The following AGBL1 variants were observed in gnomAD, a reference collection of about 807,000 sequenced individuals.
AGBL1 encodes the protein cytosolic carboxypeptidase 4.
In AGBL1, 130 loss-of-function variants were observed where a neutral mutation model predicts 118.9. The observed-to-expected ratio is 1.09, with a 90% CI of 0.95 to 1.26. AGBL1 has a LOEUF of 1.26. Among genes scored for constraint, AGBL1 ranks in the 50% most tolerant of loss-of-function variants. The pLI is 0.00. For missense variants in AGBL1, 1,584 were observed against 1,298.1 expected (o/e 1.22, Z -3.38); for synonymous variants, 555 against 478.9 (o/e 1.16, Z -2.08).
intron 18 of AGBL1, among the ~76,000 whole-genome samples, chr15:86,517,772 A>T (rs1333371558): frequency 6.6e-6 from 1 of 152,026 alleles, no homozygotes; most frequent in African/African-American, 2.4e-5. Flanking sequence ...TGTAGCTTTG[A>T]AATGAAGTTG....
chr15:86,669,520 A>T (rs1327676643), intron 21 of AGBL1, among the ~76,000 whole-genome samples: 2 of 152,202 alleles, frequency 1.3e-5, no homozygotes. Context: ...ATCATGGATG[A>T]CATTTTTCTA....
chr15:86,193,688 T>C (rs2077756936), intron 5 of AGBL1, among the ~76,000 whole-genome samples: 1 of 152,178 alleles, frequency 6.6e-6, no homozygotes, highest in Non-Finnish European at 1.5e-5. Context: ...CTTAATTCAG[T>C]GGAGAAGACC....
intron 22 of AGBL1, among the ~76,000 whole-genome samples, chr15:86,890,141 T>C (rs1596597210): frequency 6.6e-6 from 1 of 152,232 alleles, no homozygotes; most frequent in Non-Finnish European, 1.5e-5. Context: ...ATTTCTCTAA[T>C]GATCAGTGAT....
At chr15:86,106,105 T>C (rs1239793797) in intron 1 of AGBL1, among the ~76,000 whole-genome samples, 3 of 152,254 alleles carry the variant, frequency 2.0e-5, no homozygotes, top group Admixed American at 6.5e-5. Context: ...GTGTGTTCCA[T>C]CTGATGTGTG....
chr15:86,645,377 G>C (rs1269160605), intron 21 of AGBL1, among the ~76,000 whole-genome samples: 1 of 152,204 alleles, frequency 6.6e-6, no homozygotes, highest in Admixed American at 6.5e-5. Flanking sequence ...CAGCTTTTCT[G>C]TGGGGGCTGA....
At chr15:86,753,802 T>A (rs1339797520) in intron 22 of AGBL1, among the ~76,000 whole-genome samples, 2 of 152,134 alleles carry the variant, frequency 1.3e-5, no homozygotes, top group Non-Finnish European at 2.9e-5. Context: ...AAACTCTGAA[T>A]GTCAGAACAC....
At chr15:86,249,875 G>T (rs1196681996) in intron 7 of AGBL1, among the ~76,000 whole-genome samples, 2 of 152,230 alleles carry the variant, frequency 1.3e-5, no homozygotes, top group African/African-American at 4.8e-5. Context: ...AGCATGAGGT[G>T]CTATGAATCT....
chr15:86,691,510 A>T (rs1372540060), intron 22 of AGBL1, among the ~76,000 whole-genome samples: 1 of 152,158 alleles, frequency 6.6e-6, no homozygotes, highest in Non-Finnish European at 1.5e-5. Context: ...ATGTGTGTGT[A>T]GTTTGGCAGA....
intron 5 of AGBL1, among the ~76,000 whole-genome samples, chr15:86,197,039 A>G (rs2077824746): frequency 2.0e-5 from 3 of 152,278 alleles, no homozygotes; most frequent in African/African-American, 7.2e-5. Flanking sequence ...GTGAAAAAAC[A>G]CATTTCTGTT....
intron 21 of AGBL1, chr15:86,556,186 C>A: frequency 6.4e-7 from 1 of 1,556,086 alleles, no homozygotes. Flanking sequence ...TGAAATGACT[C>A]ATAGGTTCAG....
chr15:86,544,402 A>G (rs1337683707), intron 19 of AGBL1, among the ~76,000 whole-genome samples: 1 of 152,184 alleles, frequency 6.6e-6, no homozygotes, highest in East Asian at 1.9e-4. Context: ...GCTCAGTCTT[A>G]TTGACCAAAA....
intron 22 of AGBL1, among the ~76,000 whole-genome samples, chr15:86,676,597 T>G (rs188308880): frequency 6.6e-6 from 1 of 152,156 alleles, no homozygotes; most frequent in Non-Finnish European, 1.5e-5. Context: ...GGATTCTTAT[T>G]GTAATACAAA....
chr15:86,655,862 T>C (rs1303297260), intron 21 of AGBL1, among the ~76,000 whole-genome samples: 1 of 152,180 alleles, frequency 6.6e-6, no homozygotes, highest in African/African-American at 2.4e-5. Context: ...CGTAGTAGTT[T>C]TGCTGCTATA....
chr15:86,542,026 A>G (rs1009233834), intron 19 of AGBL1, among the ~76,000 whole-genome samples: 3 of 152,244 alleles, frequency 2.0e-5, no homozygotes, highest in Non-Finnish European at 2.9e-5. Flanking sequence ...ACATGAGTAT[A>G]CAATCTAGAG....
At chr15:86,193,008 CA>C (rs1288614076) in intron 5 of AGBL1, among the ~76,000 whole-genome samples, 1 of 151,754 alleles carries the variant, frequency 6.6e-6, no homozygotes, top group Non-Finnish European at 1.5e-5. Context: ...ATTTTTCAGT[CA>C]AAAATATTTT....
Position 86,910,094 on chromosome 15 carries a change from T to C in AGBL1, c.*2800T>C, listed in dbSNP as rs1348876446. On this transcript the variant is annotated 3_prime_UTR_variant, in exon 23 of 23. Transcript: ENST00000614907. ...TAATGCAGTATGGCCCATGCCATTA[T>C]GGAACTCTGCAAAGAATATTACAAA... 1 of 152,262 alleles carries C rather than the reference T, an allele frequency of 6.6e-6. No individual in the cohort carries two copies. The highest frequency in any genetic ancestry group is 1.5e-5 in the Non-Finnish European group (1 of 68,052). The allele number at this position is 152,262 out of a possible 1,614,324, so 9.4% of individuals were successfully genotyped here.
At chr15:86,129,970 G>GA (rs1555432987) in intron 1 of AGBL1, among the ~76,000 whole-genome samples, 1 of 152,048 alleles carries the variant, frequency 6.6e-6, no homozygotes. Flanking sequence ...AATTGAAAGG[G>GA]AAAAAATTAC....
intron 5 of AGBL1, among the ~76,000 whole-genome samples, chr15:86,213,247 A>G (rs1215004770): frequency 6.6e-6 from 1 of 152,240 alleles, no homozygotes; most frequent in Non-Finnish European, 1.5e-5. Flanking sequence ...TCCGCAAATC[A>G]TGGAACTACT....
chr15:86,737,756 T>C (rs1041580310), intron 22 of AGBL1, among the ~76,000 whole-genome samples: 10 of 152,216 alleles, frequency 6.6e-5, no homozygotes, highest in African/African-American at 2.4e-4. Flanking sequence ...CCCCTTTTAA[T>C]TTCAAGATCA....
Sources: allele counts gnomAD v4.1 joint callset (sites outside exome capture counted in the v4.1 genomes callset), GRCh38; gene constraint gnomAD v4.1.1; transcripts MANE v1.5; gene names NCBI Gene and HGNC (gene_info 2026-07-23, HGNC 2026-07-21).